CAMTA1: variants seen among roughly 807,000 people sequenced by gnomAD.
CAMTA1 encodes calmodulin binding transcription activator 1, also known as calmodulin-binding transcription activator 1.
Under a neutral mutation model 170.9 loss-of-function variants are expected in CAMTA1, and 27 were observed. The ratio of observed to expected loss-of-function variants is 0.16; its 90% confidence interval spans 0.12 to 0.22. CAMTA1 has a LOEUF of 0.22. Ranked by LOEUF, CAMTA1 falls within the 10% of genes least tolerant of loss-of-function variation. The pLI is 1.00. For missense variants in CAMTA1, 1,619 were observed against 2,217.2 expected (o/e 0.73, Z 5.42); for synonymous variants, 833 against 891.5 (o/e 0.93, Z 1.17).
At chr1:7,449,891 A>T (rs902647867) in intron 5 of CAMTA1, among the ~76,000 whole-genome samples, 1 of 152,110 alleles carries the variant, frequency 6.6e-6, no homozygotes, top group Non-Finnish European at 1.5e-5. Context: ...TCCTTGCTCC[A>T]TGCAGCCCCC....
At chr1:7,434,884 A>G (rs1341665444) in intron 5 of CAMTA1, among the ~76,000 whole-genome samples, 1 of 151,764 alleles carries the variant, frequency 6.6e-6, no homozygotes, top group Non-Finnish European at 1.5e-5. Flanking sequence ...CTACAAAAAA[A>G]AAAAAAAAAA....
chr1:6,964,829 C>A (rs1030790265), intron 3 of CAMTA1, among the ~76,000 whole-genome samples: 1 of 152,140 alleles, frequency 6.6e-6, no homozygotes, highest in Non-Finnish European at 1.5e-5. Flanking sequence ...GGAAGGAGGA[C>A]CAGGAGATTT....
At chr1:7,520,370 G>C (rs527561423) in intron 6 of CAMTA1, among the ~76,000 whole-genome samples, 5 of 146,900 alleles carry the variant, frequency 3.4e-5, no homozygotes, top group Admixed American at 2.7e-4. Context: ...AGAGTTATTC[G>C]ATGTGTGGAC....
At chr1:7,625,653 G>T (rs896202750) in intron 6 of CAMTA1, among the ~76,000 whole-genome samples, 17 of 152,240 alleles carry the variant, frequency 1.1e-4, no homozygotes, top group African/African-American at 4.1e-4. Flanking sequence ...ATTCGCAATG[G>T]GCTGGCATAG....
intron 11 of CAMTA1, among the ~76,000 whole-genome samples, chr1:7,727,397 C>T (rs2096697565): frequency 6.6e-6 from 1 of 152,188 alleles, no homozygotes; most frequent in Non-Finnish European, 1.5e-5. Context: ...GCTGGGATTA[C>T]AGGCGTGAGC....
chr1:7,487,877 G>A (rs942282394), intron 6 of CAMTA1, among the ~76,000 whole-genome samples: 2 of 152,098 alleles, frequency 1.3e-5, no homozygotes, highest in African/African-American at 2.4e-5. Context: ...TGAGCCCCTC[G>A]GTTGCTCACG....
intron 3 of CAMTA1, among the ~76,000 whole-genome samples, chr1:7,009,108 C>T (rs1290824831): frequency 6.6e-6 from 1 of 152,202 alleles, no homozygotes; most frequent in Non-Finnish European, 1.5e-5. Flanking sequence ...CTCAGGAGCT[C>T]AGGGCTGGGG....
chr1:7,281,585 AT>A lies in CAMTA1; in HGVS notation c.438+31960del, dbSNP rs1217846742. Among the ~76,000 whole-genome samples, 8 of 152,336 alleles carry A rather than the reference AT, an allele frequency of 5.3e-5. 1 individual carries two copies. The highest frequency in any genetic ancestry group is 1.9e-4 in the African/African-American group (8 of 41,584). ...ATGCTAAATTAGAAAAAGTATTAAA[AT>A]AGTTTTAGATTAATGCAGACTGTGA... On this transcript the variant is annotated intron_variant, in intron 5 of 22. Transcript: ENST00000303635.
intron 4 of CAMTA1, among the ~76,000 whole-genome samples, chr1:7,174,365 A>G (rs1448015699): frequency 6.6e-6 from 1 of 152,262 alleles, no homozygotes; most frequent in African/African-American, 2.4e-5. Flanking sequence ...TTGTTCTCCA[A>G]GTAAACAGCC....
intron 5 of CAMTA1, among the ~76,000 whole-genome samples, chr1:7,361,264 G>A (rs2085516344): frequency 6.6e-6 from 1 of 152,218 alleles, no homozygotes; most frequent in Non-Finnish European, 1.5e-5. Flanking sequence ...TTGCTCAACA[G>A]ATATCTGCTG....
rs1446296177 is a variant in CAMTA1 at position 7,633,282 on chromosome 1, G to T, written c.511-7118G>T. ...AGTCCTGTGCCTGGCAGGGCCCTGGGAGTCTGGAACTGGGGAGGTCAGCAG... is the reference window on the plus strand; with the variant it reads ...AGTCCTGTGCCTGGCAGGGCCCTGGTAGTCTGGAACTGGGGAGGTCAGCAG... On this transcript the variant is annotated intron_variant, in intron 6 of 22. Transcript: ENST00000303635. This position sits in a 1 kb window ranked among gnomAD's most constrained non-coding sequence, Gnocchi z 4.1. Among the ~76,000 whole-genome samples the T allele has an allele frequency of 6.6e-6, 1 of 152,208 alleles. No homozygotes were observed. The highest frequency in any genetic ancestry group is 1.5e-5 in the Non-Finnish European group (1 of 68,044).
chr1:6,852,949 A>C (rs1204451540), intron 3 of CAMTA1: 1 of 150,592 alleles, frequency 6.6e-6, no homozygotes, highest in Non-Finnish European at 1.5e-5. Flanking sequence ...GAGTCCTCTC[A>C]TCATAAACTC....
At chr1:7,535,247 C>A (rs1233736167) in intron 6 of CAMTA1, among the ~76,000 whole-genome samples, 2 of 152,032 alleles carry the variant, frequency 1.3e-5, no homozygotes, top group Non-Finnish European at 2.9e-5. Context: ...AGTCAGGCAC[C>A]CCTGGCAGGG....
At chr1:7,472,473 A>G (rs1360802982) in intron 6 of CAMTA1, among the ~76,000 whole-genome samples, 1 of 152,080 alleles carries the variant, frequency 6.6e-6, no homozygotes, top group Non-Finnish European at 1.5e-5. Context: ...CCTGGGAGAA[A>G]ACAGCCTCCG....
At chr1:7,130,044 C>T (rs1645157109) in intron 4 of CAMTA1, among the ~76,000 whole-genome samples, 1 of 152,116 alleles carries the variant, frequency 6.6e-6, no homozygotes, top group Non-Finnish European at 1.5e-5. Context: ...TCAAGCCATT[C>T]TCCCGCCTCA....
chr1:7,606,835 C>T (rs1201346006), intron 6 of CAMTA1, among the ~76,000 whole-genome samples: 1 of 152,094 alleles, frequency 6.6e-6, no homozygotes, highest in Non-Finnish European at 1.5e-5. Flanking sequence ...GGTTTGGAGC[C>T]CCTGGGATGG....
chr1:7,514,011 A>G (rs1422341581), intron 6 of CAMTA1, among the ~76,000 whole-genome samples: 1 of 152,182 alleles, frequency 6.6e-6, no homozygotes, highest in African/African-American at 2.4e-5. Flanking sequence ...ACCCTACTCC[A>G]ATGACCTTAT....
At chr1:7,276,289 A>ATTTTTTTT (rs1393755906) in intron 5 of CAMTA1, among the ~76,000 whole-genome samples, 1 of 53,534 alleles carries the variant, frequency 1.9e-5, no homozygotes, top group Non-Finnish European at 2.9e-5. Flanking sequence ...ATATATATAT[A>ATTTTTTTT]TATATATATA....
intron 3 of CAMTA1, among the ~76,000 whole-genome samples, chr1:7,040,224 A>G (rs1704226171): frequency 6.6e-6 from 1 of 151,454 alleles, no homozygotes; most frequent in Non-Finnish European, 1.5e-5. Flanking sequence ...AGCTGCCAGC[A>G]TATTTCAATT....
Sources: gnomAD v4.1 joint callset for allele counts (sites outside exome capture counted in the v4.1 genomes callset) on GRCh38, gnomAD v4.1.1 for gene constraint, Gnocchi (gnomAD v3.1) non-coding constraint, MANE v1.5 for transcripts, NCBI Gene and HGNC (gene_info 2026-07-23, HGNC 2026-07-21) for gene names.